The following RABGAP1L variants were observed in gnomAD, a reference collection of about 807,000 sequenced individuals.
RABGAP1L encodes the protein rab GTPase-activating protein 1-like.
A neutral mutation model predicts 137.7 loss-of-function variants in RABGAP1L; 63 were observed. The observed-to-expected ratio is 0.46, with a 90% CI of 0.37 to 0.56. The LOEUF (loss-of-function observed/expected upper bound fraction) is 0.56. Among genes scored for constraint, RABGAP1L ranks in the 20% least tolerant of loss-of-function variants. The pLI, the probability that RABGAP1L is intolerant of heterozygous loss-of-function variation, is 0.00. For missense variants in RABGAP1L, 1,095 were observed against 1,244.0 expected, an observed-to-expected ratio of 0.88 and a Z score of 1.80; for synonymous variants, 431 against 433.7, an observed-to-expected ratio of 0.99 and a Z score of 0.08.
chr1:174,597,792 T>C (rs969985713), intron 13 of RABGAP1L, among the ~76,000 whole-genome samples: 47 of 152,224 alleles, frequency 3.1e-4, no homozygotes, highest in African/African-American at 1.1e-3. Context: ...CTTACTGGTA[T>C]AAACTTTGCT....
intron 19 of RABGAP1L, among the ~76,000 whole-genome samples, chr1:174,869,638 A>C (rs1651865561): frequency 6.6e-6 from 1 of 152,204 alleles, no homozygotes. Flanking sequence ...CAACTTATGT[A>C]ATTTGCTCAT....
intron 13 of RABGAP1L, among the ~76,000 whole-genome samples, chr1:174,429,694 G>A (rs578000722): frequency 2.0e-5 from 3 of 151,688 alleles, no homozygotes; most frequent in Non-Finnish European, 4.4e-5. Context: ...AGCCGAGATT[G>A]TGCCATTGCA....
intron 9 of RABGAP1L, among the ~76,000 whole-genome samples, chr1:174,277,575 A>G (rs1675110074): frequency 6.6e-6 from 1 of 151,786 alleles, no homozygotes. Context: ...TAAATTTAAC[A>G]TTATCTCATA....
intron 19 of RABGAP1L, among the ~76,000 whole-genome samples, chr1:174,879,249 C>T (rs187811768): frequency 9.1e-4 from 138 of 152,250 alleles, no homozygotes; most frequent in Non-Finnish European, 1.5e-3. Flanking sequence ...TACAGGTGCA[C>T]ACCACCATGC....
chr1:174,589,504 C>T (rs533480873), intron 13 of RABGAP1L, among the ~76,000 whole-genome samples: 3 of 151,952 alleles, frequency 2.0e-5, no homozygotes, highest in Non-Finnish European at 2.9e-5. Context: ...TGCTTGTGCT[C>T]GTGGGGTATT....
intron 19 of RABGAP1L, among the ~76,000 whole-genome samples, chr1:174,813,332 T>A (rs1366928785): frequency 6.6e-6 from 1 of 152,134 alleles, no homozygotes; most frequent in African/African-American, 2.4e-5. Context: ...ATATATTAAA[T>A]GTGAGTGTGA....
chr1:174,218,311 C>T (rs1382542464), intron 1 of RABGAP1L, among the ~76,000 whole-genome samples: 1 of 152,056 alleles, frequency 6.6e-6, no homozygotes, highest in African/African-American at 2.4e-5. Flanking sequence ...TATGTAAGCC[C>T]CAGAAGTGCA....
chr1:174,739,292 T>C (rs1340493351), intron 17 of RABGAP1L, among the ~76,000 whole-genome samples: 1 of 152,200 alleles, frequency 6.6e-6, no homozygotes, highest in Non-Finnish European at 1.5e-5. Context: ...TAATTACTAA[T>C]AGAAAATGGT....
intron 18 of RABGAP1L, among the ~76,000 whole-genome samples, chr1:174,787,640 C>T (rs953699128): frequency 6.6e-6 from 1 of 152,134 alleles, no homozygotes; most frequent in Non-Finnish European, 1.5e-5. Context: ...TGAAGGATGT[C>T]TTGTGCTTTG....
At chr1:174,756,893 T>C in intron 18 of RABGAP1L, 1 of 664,452 alleles carries the variant, frequency 1.5e-6, no homozygotes, top group East Asian at 4.7e-5. Context: ...TCTGAAGCAG[T>C]CCTGGGACTG....
chr1:174,944,113 G>C (rs184426610), intron 19 of RABGAP1L, among the ~76,000 whole-genome samples: 189 of 151,204 alleles, frequency 1.2e-3, no homozygotes, highest in African/African-American at 4.4e-3. Context: ...TCTACTAAAA[G>C]TATAAAAAAA....
chr1:174,778,108 G>A (rs748978637), intron 18 of RABGAP1L, among the ~76,000 whole-genome samples: 5 of 152,128 alleles, frequency 3.3e-5, no homozygotes, highest in Admixed American at 1.3e-4. Flanking sequence ...ACATCAAGGC[G>A]TGTTATGATG....
Position 174,498,200 on chromosome 1 carries a change from AAAG to A in RABGAP1L, c.1710+104060_1710+104062del, listed in dbSNP as rs1274211572. Among the ~76,000 whole-genome samples, 5 of 152,288 alleles carry A rather than the reference AAAG, an allele frequency of 3.3e-5. No individual in the cohort carries two copies. The East Asian group carries it at 7.7e-4, about 23-fold the overall frequency. ...ATAATTGAGAAGAGTATATTCAACA[AAAG>A]AAGAGTGAAGTAATATATGAATGTA... On this transcript the variant is annotated intron_variant, in intron 13 of 25. Transcript: ENST00000681986.
chr1:174,753,192 A>G (rs332801), intron 18 of RABGAP1L, among the ~76,000 whole-genome samples: 56,674 of 152,072 alleles, frequency 0.37, 13,914 homozygotes, highest in African/African-American at 0.7. Flanking sequence ...AATTGAGATG[A>G]TCAAAGAAGT....
intron 11 of RABGAP1L, among the ~76,000 whole-genome samples, chr1:174,342,255 G>T (rs1257572926): frequency 6.6e-6 from 1 of 152,116 alleles, no homozygotes; most frequent in African/African-American, 2.4e-5. Context: ...ACAGGATAGA[G>T]TTCTTATTGT....
intron 11 of RABGAP1L, among the ~76,000 whole-genome samples, chr1:174,339,199 A>T (rs1157099852): frequency 6.6e-6 from 1 of 152,224 alleles, no homozygotes; most frequent in Non-Finnish European, 1.5e-5. Flanking sequence ...AAATATCTTT[A>T]AAAAATTAAA....
At chr1:174,679,575 T>G (rs1677895182) in intron 14 of RABGAP1L, among the ~76,000 whole-genome samples, 1 of 152,142 alleles carries the variant, frequency 6.6e-6, no homozygotes, top group Admixed American at 6.5e-5. Context: ...GAATACAGTG[T>G]AATATAGTAC....
At chr1:174,191,967 A>G (rs1001780883) in intron 1 of RABGAP1L, among the ~76,000 whole-genome samples, 9 of 152,210 alleles carry the variant, frequency 5.9e-5, no homozygotes, top group South Asian at 2.1e-4. Flanking sequence ...ATGCATTTAT[A>G]CTAGAGTCTG....
rs767719009 is a variant in RABGAP1L at position 174,354,133 on chromosome 1, CTCTAACA to C, written c.1466-16831_1466-16825del. On this transcript the variant is annotated intron_variant, in intron 11 of 25. Coordinates refer to ENST00000681986, the MANE Select transcript of RABGAP1L (RefSeq NM_001366446.1). ...AGTGATCTGCCCAGTTAGAGATGGGCTCTAACATCTAACATCTAACAGATGTTAACAA... is the reference window on the plus strand; with the variant it reads ...AGTGATCTGCCCAGTTAGAGATGGGCTCTAACATCTAACAGATGTTAACAA... Among the ~76,000 whole-genome samples, 13 of 152,224 alleles carry C rather than the reference CTCTAACA, an allele frequency of 8.5e-5. No individual in the cohort carries two copies. In the South Asian group the frequency reaches 1.2e-3, roughly 15 times the overall value.
Sources: gnomAD v4.1 joint callset for allele counts (sites outside exome capture counted in the v4.1 genomes callset) on GRCh38, gnomAD v4.1.1 for gene constraint, MANE v1.5 for transcripts, NCBI Gene and HGNC (gene_info 2026-07-23, HGNC 2026-07-21) for gene names.